RYR2: variants seen among roughly 807,000 people sequenced by gnomAD.
The protein encoded by RYR2 is ryanodine receptor 2.
RYR2 carries 227 observed loss-of-function variants against 601.1 expected under a neutral mutation model. That is an observed-to-expected ratio of 0.38 (90% confidence interval 0.34 to 0.42). The LOEUF (loss-of-function observed/expected upper bound fraction) is 0.42. Ranked by LOEUF, RYR2 falls within the 10% of genes least tolerant of loss-of-function variation. The pLI is 1.00. For missense variants in RYR2, 4,646 were observed against 6,156.5 expected (o/e 0.75, Z 8.21); for synonymous variants, 2,223 against 2,175.1 (o/e 1.02, Z -0.61).
At chr1:237,255,826 G>T (rs1403897891) in intron 1 of RYR2, among the ~76,000 whole-genome samples, 1 of 141,600 alleles carries the variant, frequency 7.1e-6, no homozygotes, top group Non-Finnish European at 1.5e-5. Flanking sequence ...TAGTTGTGCT[G>T]CTTGCTATAC....
At chr1:237,281,043 C>A (rs1690807846) in intron 2 of RYR2, among the ~76,000 whole-genome samples, 2 of 152,124 alleles carry the variant, frequency 1.3e-5, no homozygotes, top group African/African-American at 4.8e-5. Context: ...CCTCAGCCTC[C>A]CAAAGTGCTG....
At chr1:237,661,095 A>G (rs568177113) in intron 56 of RYR2, 148 bp downstream of exon 56, 9 of 771,364 alleles carry the variant, frequency 1.2e-5, no homozygotes, top group Non-Finnish European at 1.6e-5. Context: ...CTATATATAT[A>G]TTTTTTTTAG....
At chr1:237,493,750 C>A (rs965608278) in intron 19 of RYR2, among the ~76,000 whole-genome samples, 1 of 152,212 alleles carries the variant, frequency 6.6e-6, no homozygotes, top group African/African-American at 2.4e-5. Context: ...CTGCGCCCAG[C>A]CCCTTCAATA....
intron 1 of RYR2, among the ~76,000 whole-genome samples, chr1:237,246,564 G>A (rs1032584237): frequency 1.3e-5 from 2 of 152,106 alleles, no homozygotes; most frequent in African/African-American, 2.4e-5. Context: ...AGCCTCCCGA[G>A]TAGCTAGGAC....
intron 9 of RYR2, 124 bp from the exon 10 acceptor site, chr1:237,387,963 A>G (rs1331287670): frequency 3.5e-6 from 3 of 846,120 alleles, no homozygotes; most frequent in African/African-American, 1.7e-5. Flanking sequence ...GACCTTGGCC[A>G]GGTCCTTAAG....
chr1:237,510,858 T>C (rs1400939989), intron 23 of RYR2, among the ~76,000 whole-genome samples: 1 of 152,240 alleles, frequency 6.6e-6, no homozygotes, highest in Non-Finnish European at 1.5e-5. Flanking sequence ...TTTAGTTTAA[T>C]GTGATTGCTA....
intron 10 of RYR2, among the ~76,000 whole-genome samples, chr1:237,405,362 A>G (rs1325324660): frequency 6.6e-6 from 1 of 152,312 alleles, no homozygotes; most frequent in African/African-American, 2.4e-5. Flanking sequence ...CTCCCCTCAA[A>G]TATATCCACA....
intron 2 of RYR2, among the ~76,000 whole-genome samples, chr1:237,302,695 G>A (rs1693483374): frequency 6.6e-6 from 1 of 152,160 alleles, no homozygotes; most frequent in Non-Finnish European, 1.5e-5. Flanking sequence ...AGACATGGAA[G>A]CCAGAATACC....
intron 16 of RYR2, among the ~76,000 whole-genome samples, chr1:237,463,191 T>G (rs1280618129): frequency 1.3e-5 from 2 of 152,192 alleles, no homozygotes; most frequent in East Asian, 3.9e-4. Flanking sequence ...GCCCCTCATT[T>G]TTCTGTGCTG....
chr1:237,044,664 C>T (rs1263429040), intron 1 of RYR2, among the ~76,000 whole-genome samples: 10 of 148,020 alleles, frequency 6.8e-5, no homozygotes, highest in African/African-American at 2.5e-4. Flanking sequence ...TTTGGTATAG[C>T]ATTAACATCT....
chr1:237,585,465 T>G (rs1483824069), intron 29 of RYR2, among the ~76,000 whole-genome samples: 2 of 152,198 alleles, frequency 1.3e-5, no homozygotes, highest in South Asian at 2.1e-4. Flanking sequence ...TACTTTGTCA[T>G]GTACTGAACA....
chr1:237,525,905 G>A (rs1320071370), intron 24 of RYR2, among the ~76,000 whole-genome samples: 4 of 151,820 alleles, frequency 2.6e-5, no homozygotes, highest in Admixed American at 6.6e-5. Context: ...GCTTGAACCC[G>A]GGAGGCGGAG....
chr1:237,687,360 C>CTTTTTTT (rs1686494898), intron 62 of RYR2, 95 bp from the exon 63 acceptor site: 6 of 492,484 alleles, frequency 1.2e-5, no homozygotes, highest in South Asian at 2.8e-5. Context: ...TTTCTTTTTT[C>CTTTTTTT]TTCTTCTTTT....
intron 16 of RYR2, among the ~76,000 whole-genome samples, chr1:237,465,675 T>C (rs1660003622): frequency 6.6e-6 from 1 of 152,192 alleles, no homozygotes; most frequent in East Asian, 1.9e-4. Flanking sequence ...GATGGCCTAC[T>C]GCGCGGCTAC....
chr1:237,401,502 G>A (rs1400866939), intron 10 of RYR2, among the ~76,000 whole-genome samples: 2 of 152,172 alleles, frequency 1.3e-5, no homozygotes, highest in Non-Finnish European at 2.9e-5. Flanking sequence ...TATTATAAAG[G>A]CTACACATCA....
At chr1:237,334,516 C>T (rs775354759) in intron 3 of RYR2, among the ~76,000 whole-genome samples, 3 of 151,522 alleles carry the variant, frequency 2.0e-5, no homozygotes, top group Non-Finnish European at 4.4e-5. Flanking sequence ...TATCATTTAG[C>T]TTTTATTCTT....
chr1:237,598,358 A>G (rs1459976757), intron 34 of RYR2, among the ~76,000 whole-genome samples: 1 of 152,240 alleles, frequency 6.6e-6, no homozygotes, highest in East Asian at 1.9e-4. Context: ...TGTATAGCTG[A>G]AGAATACACA....
At chr1:237,073,912 A>C (rs931988873) in intron 1 of RYR2, among the ~76,000 whole-genome samples, 1 of 149,522 alleles carries the variant, frequency 6.7e-6, no homozygotes, top group Non-Finnish European at 1.5e-5. Flanking sequence ...TTACATGTTG[A>C]GATAATATTT....
chr1:237,062,751 G>GTC (rs771488107), intron 1 of RYR2, among the ~76,000 whole-genome samples: 3 of 152,058 alleles, frequency 2.0e-5, no homozygotes, highest in Non-Finnish European at 4.4e-5. Flanking sequence ...CTGACTAGAA[G>GTC]ACATGATAGC....
Sources: gnomAD v4.1 joint callset for allele counts (sites outside exome capture counted in the v4.1 genomes callset) on GRCh38, gnomAD v4.1.1 for gene constraint, MANE v1.5 for transcripts, NCBI Gene and HGNC (gene_info 2026-07-23, HGNC 2026-07-21) for gene names.